Variants in C10orf143 observed in about 807,000 individuals in gnomAD.
C10orf143 encodes the protein chromosome 10 open reading frame 143.
chr10:130,075,601 G>C (rs1258335810), intron 3 of C10orf143, among the ~76,000 whole-genome samples: 1 of 152,220 alleles, frequency 6.6e-6, no homozygotes, highest in African/African-American at 2.4e-5. Context: ...CCAAACGGGG[G>C]AGCTGATATG....
chr10:130,038,690 TGGGGCCATCCTTGGC>T (rs1371615269), intron 3 of C10orf143, among the ~76,000 whole-genome samples: 1 of 152,144 alleles, frequency 6.6e-6, no homozygotes, highest in African/African-American at 2.4e-5. Flanking sequence ...GAGCCATGCC[TGGGGCCATCCTTGGC>T]CTTAGCCTCC....
At chr10:130,085,584 A>C (rs2134778413) in intron 1 of C10orf143, among the ~76,000 whole-genome samples, 1 of 152,324 alleles carries the variant, frequency 6.6e-6, no homozygotes. Context: ...CTTGCAACAG[A>C]AAAAGGATAT....
chr10:130,035,614 G>A (rs997135831), intron 4 of C10orf143, among the ~76,000 whole-genome samples: 10 of 152,092 alleles, frequency 6.6e-5, no homozygotes, highest in African/African-American at 2.4e-4. Flanking sequence ...GCCCTCACAT[G>A]TCCTGTCTCA....
intron 1 of C10orf143, among the ~76,000 whole-genome samples, chr10:130,087,911 A>C (rs960471703): frequency 6.6e-6 from 1 of 152,234 alleles, no homozygotes; most frequent in South Asian, 2.1e-4. Context: ...TGGAGAATAG[A>C]GAAGAGGCAT....
intron 1 of C10orf143, chr10:130,107,914 C>G (rs764160471): frequency 6.6e-6 from 9 of 1,362,780 alleles, no homozygotes; most frequent in Admixed American, 3.4e-5. Flanking sequence ...AAAGGCAAGA[C>G]AGATTTTATT....
rs1325051376 is a variant in C10orf143, at chr10:130,056,228, C to T, written c.298-20258G>A. On this transcript the variant is annotated intron_variant and NMD_transcript_variant, in intron 3 of 5. Coordinates refer to the C10orf143 transcript ENST00000643056. This position sits in a 1 kb window ranked among gnomAD's most constrained non-coding sequence, Gnocchi z 4.6. ...TAGTAAATGTGCAATTAACCCTTAC[C>T]GACCCTAGCAAGCCACTGGTGGTCT... is the stretch of plus-strand genomic sequence containing the variant. Among the ~76,000 whole-genome samples, 7 of 152,102 alleles carry T rather than the reference C, an allele frequency of 4.6e-5. No homozygotes were observed. The highest frequency in any genetic ancestry group is 7.2e-5 in the African/African-American group (3 of 41,400).
In C10orf143 at chr10:130,056,331, G is replaced by C. The variant is rs1026786386; in HGVS notation, c.298-20361C>G. On this transcript the variant is annotated intron_variant and NMD_transcript_variant, in intron 3 of 5. Coordinates refer to the C10orf143 transcript ENST00000643056. The surrounding 1 kb of genome is among the most constrained non-coding windows in gnomAD (Gnocchi z 4.6). ...GGCCGTACCAGAAGATCAGGGGTGGGGGTGCCGTCATGAGCAGGATGAGGG... is the reference window on the plus strand; with the variant it reads ...GGCCGTACCAGAAGATCAGGGGTGGCGGTGCCGTCATGAGCAGGATGAGGG... 4.6e-5 allele frequency among the ~76,000 whole-genome samples: 7 copies of C among 152,128 alleles called. No individual in the cohort carries two copies. Among genetic ancestry groups the C allele is most frequent in the African/African-American group, 1.7e-4 (7 of 41,406 alleles).
intron 3 of C10orf143, among the ~76,000 whole-genome samples, chr10:130,049,402 T>C (rs899978273): frequency 6.6e-6 from 1 of 152,146 alleles, no homozygotes; most frequent in Non-Finnish European, 1.5e-5. Flanking sequence ...AAACGACTGA[T>C]TCCAAGTGGA....
chr10:130,085,907 A>G (rs654367), intron 1 of C10orf143, among the ~76,000 whole-genome samples: 121,351 of 152,058 alleles, frequency 0.8, 49,544 homozygotes, highest in Non-Finnish European at 0.89. Context: ...AATAAACAAA[A>G]CCCCTTGTGT....
chr10:130,038,884 G>A (rs1410553819), intron 3 of C10orf143, among the ~76,000 whole-genome samples: 1 of 152,220 alleles, frequency 6.6e-6, no homozygotes, highest in Non-Finnish European at 1.5e-5. Flanking sequence ...AGGGAGTGAT[G>A]GGCCAGCAGG....
At chr10:130,055,613 GA>G (rs1860785678) in intron 3 of C10orf143, among the ~76,000 whole-genome samples, 1 of 152,118 alleles carries the variant, frequency 6.6e-6, no homozygotes, top group Non-Finnish European at 1.5e-5. Flanking sequence ...TAAGAATTAT[GA>G]ATCATCACTG....
chr10:130,072,826 C>T (rs954569093), intron 3 of C10orf143, among the ~76,000 whole-genome samples: 6 of 152,142 alleles, frequency 3.9e-5, no homozygotes, highest in African/African-American at 1.2e-4. Context: ...TATGTACACA[C>T]CTTAATTTAA....
chr10:130,038,923 A>G (rs997703411), intron 3 of C10orf143, among the ~76,000 whole-genome samples: 6 of 152,190 alleles, frequency 3.9e-5, no homozygotes, highest in Admixed American at 2.6e-4. Context: ...GGAGTGCTGC[A>G]CTGGGCAGGG....
chr10:130,045,631 A>G (rs1254525777), intron 3 of C10orf143, among the ~76,000 whole-genome samples: 1 of 152,252 alleles, frequency 6.6e-6, no homozygotes, highest in African/African-American at 2.4e-5. Context: ...CAGAGATGTC[A>G]AAAAATAAAT....
intron 1 of C10orf143, among the ~76,000 whole-genome samples, chr10:130,089,993 AT>A (rs1339274150): frequency 1.3e-5 from 2 of 152,230 alleles, no homozygotes; most frequent in Admixed American, 1.3e-4. Flanking sequence ...TGATCTTGGA[AT>A]AGGCAAATAT....
intron 3 of C10orf143, among the ~76,000 whole-genome samples, chr10:130,044,217 A>G (rs949821949): frequency 6.6e-6 from 1 of 152,152 alleles, no homozygotes; most frequent in Non-Finnish European, 1.5e-5. Context: ...GTGATAGGAG[A>G]AGCCTTGGCG....
At chr10:130,099,952 C>T (rs1342480789) in intron 1 of C10orf143, among the ~76,000 whole-genome samples, 3 of 150,926 alleles carry the variant, frequency 2.0e-5, no homozygotes, top group Non-Finnish European at 4.4e-5. Flanking sequence ...ATTCTCCCAC[C>T]GCAGGCTCTT....
intron 1 of C10orf143, among the ~76,000 whole-genome samples, chr10:130,100,161 A>C (rs1222356148): frequency 2.6e-5 from 4 of 151,964 alleles, no homozygotes; most frequent in Non-Finnish European, 5.9e-5. Context: ...ACTCTGACCC[A>C]AACTGTATTA....
intron 3 of C10orf143, chr10:130,066,785 T>C (rs1860942231): frequency 6.6e-6 from 1 of 152,000 alleles, no homozygotes; most frequent in Non-Finnish European, 1.5e-5. Flanking sequence ...GCTGGGCCAG[T>C]GGGACCTCAA....
Sources: gnomAD v4.1 joint callset for allele counts (sites outside exome capture counted in the v4.1 genomes callset) on GRCh38, gnomAD v4.1.1 for gene constraint, Gnocchi (gnomAD v3.1) non-coding constraint, MANE v1.5 for transcripts, NCBI Gene and HGNC (gene_info 2026-07-23, HGNC 2026-07-21) for gene names.